Variants in GRIA1 observed in about 807,000 individuals in gnomAD.
The protein encoded by GRIA1 is glutamate receptor 1.
GRIA1 carries 31 observed loss-of-function variants against 99.2 expected under a neutral mutation model. That is an observed-to-expected ratio of 0.31 (90% CI 0.23 to 0.42). The LOEUF (loss-of-function observed/expected upper bound fraction) is 0.42, where lower values mean the gene tolerates loss of function less well. GRIA1 is among the 10% of genes least tolerant of loss of function. The probability of loss-of-function intolerance (pLI) is 1.00; values close to 1 mark genes in which losing one functional copy is unlikely to be tolerated. For missense variants in GRIA1, 782 were observed against 1,157.5 expected (o/e 0.68, Z 4.71); for synonymous variants, 438 against 432.4 (o/e 1.01, Z -0.16).
At chr5:153,697,722 C>T (rs1243312227) in intron 8 of GRIA1, among the ~76,000 whole-genome samples, 2 of 152,150 alleles carry the variant, frequency 1.3e-5, no homozygotes, top group Middle Eastern at 3.2e-3. Context: ...TGAACAACTG[C>T]AGGGAATTAA....
At chr5:153,647,355 A>G (rs1379442201) in intron 3 of GRIA1, among the ~76,000 whole-genome samples, 188 bp downstream of exon 3, 1 of 152,172 alleles carries the variant, frequency 6.6e-6, no homozygotes, top group African/African-American at 2.4e-5. Context: ...CATTCTGAGA[A>G]TAATTCTCTT....
chr5:153,795,761 G>T (rs1167877633), intron 14 of GRIA1, among the ~76,000 whole-genome samples: 2 of 152,162 alleles, frequency 1.3e-5, no homozygotes, highest in Admixed American at 1.3e-4. Context: ...CAGCACGCCA[G>T]TGTTTCCCAA....
At chr5:153,745,856 A>G (rs982407613) in intron 11 of GRIA1, among the ~76,000 whole-genome samples, 2 of 151,866 alleles carry the variant, frequency 1.3e-5, no homozygotes, top group Non-Finnish European at 2.9e-5. Context: ...GATTTTTTTC[A>G]CTTCACCTCT....
chr5:153,677,812 G>A (rs1419213273), intron 7 of GRIA1, among the ~76,000 whole-genome samples: 1 of 152,162 alleles, frequency 6.6e-6, no homozygotes, highest in East Asian at 1.9e-4. Flanking sequence ...GGTACATGTG[G>A]GTGTATATTT....
intron 10 of GRIA1, among the ~76,000 whole-genome samples, chr5:153,704,299 A>C (rs771421307): frequency 3.9e-5 from 6 of 152,268 alleles, no homozygotes; most frequent in Admixed American, 6.5e-5. Context: ...TGCCTTGAAC[A>C]GACCTGCATA....
chr5:153,810,995 CG>C, intron 15 of GRIA1, 29 bp from the exon 16 acceptor site: 2 of 1,559,106 alleles, frequency 1.3e-6, no homozygotes, highest in Non-Finnish European at 1.8e-6. Flanking sequence ...GCCAAGGACC[CG>C]GGGAAGAACC....
intron 11 of GRIA1, among the ~76,000 whole-genome samples, chr5:153,719,789 T>G (rs1345429518): frequency 6.6e-6 from 1 of 152,104 alleles, no homozygotes; most frequent in Non-Finnish European, 1.5e-5. Flanking sequence ...ATTGTGACCA[T>G]CTTTGGAAAA....
intron 13 of GRIA1, among the ~76,000 whole-genome samples, chr5:153,776,281 C>A (rs891045065): frequency 1.3e-5 from 2 of 152,172 alleles, no homozygotes; most frequent in African/African-American, 2.4e-5. Flanking sequence ...ATATCCTTCA[C>A]TTTAAAGCTG....
At chr5:153,799,742 T>C (rs1765881060) in intron 14 of GRIA1, among the ~76,000 whole-genome samples, 1 of 152,176 alleles carries the variant, frequency 6.6e-6, no homozygotes, top group African/African-American at 2.4e-5. Flanking sequence ...GTCCTCTTTG[T>C]AAAGGATGTA....
chr5:153,551,347 G>GT (rs748423625), intron 2 of GRIA1, among the ~76,000 whole-genome samples: 91 of 113,714 alleles, frequency 8.0e-4, no homozygotes, highest in African/African-American at 1.9e-3. Flanking sequence ...TCTTTTTACA[G>GT]TTTTTTTTGT....
chr5:153,687,153 T>C (rs1460639953), intron 8 of GRIA1, among the ~76,000 whole-genome samples: 1 of 152,184 alleles, frequency 6.6e-6, no homozygotes, highest in Non-Finnish European at 1.5e-5. Context: ...TGGAAGCCTC[T>C]ACTTCTCTGC....
intron 2 of GRIA1, among the ~76,000 whole-genome samples, chr5:153,534,846 G>A (rs770934137): frequency 2.6e-5 from 4 of 152,160 alleles, no homozygotes; most frequent in Non-Finnish European, 5.9e-5. Context: ...TCAGAGAAAA[G>A]GGCATATTTG....
chr5:153,621,257 G>C (rs972882690), intron 2 of GRIA1, among the ~76,000 whole-genome samples: 1 of 152,016 alleles, frequency 6.6e-6, no homozygotes, highest in African/African-American at 2.4e-5. Flanking sequence ...GTGATTAGTA[G>C]GTCTCCTTAT....
chr5:153,752,613 T>G (rs780919154), intron 11 of GRIA1, among the ~76,000 whole-genome samples: 4 of 152,206 alleles, frequency 2.6e-5, no homozygotes, highest in Admixed American at 6.5e-5. Flanking sequence ...TCTATCAGAC[T>G]GTGAGCCCAT....
At chr5:153,492,059 G>A (rs567689137) in intron 1 of GRIA1, 9 of 1,177,524 alleles carry the variant, frequency 7.6e-6, no homozygotes, top group South Asian at 4.0e-5. Context: ...AAGCATCTTC[G>A]TTGGTTTGGT....
chr5:153,705,648 C>G, intron 10 of GRIA1, 49 bp from the exon 11 acceptor site: 1 of 1,399,902 alleles, frequency 7.1e-7, no homozygotes, highest in Non-Finnish European at 9.3e-7. Context: ...AAAAGGGCTG[C>G]TGAGCTCACC....
intron 8 of GRIA1, among the ~76,000 whole-genome samples, chr5:153,692,505 C>T (rs1757834328): frequency 1.3e-5 from 2 of 152,188 alleles, no homozygotes; most frequent in South Asian, 4.1e-4. Context: ...TTTTCTGGAA[C>T]ATAGCTATGC....
intron 2 of GRIA1, among the ~76,000 whole-genome samples, chr5:153,526,348 C>G (rs1433022147): frequency 5.9e-5 from 9 of 152,070 alleles, no homozygotes; most frequent in African/African-American, 1.9e-4. Context: ...CAAAATGAGG[C>G]CAATATAGTA....
chr5:153,529,449 C>G (rs1360738901), intron 2 of GRIA1, among the ~76,000 whole-genome samples: 1 of 152,158 alleles, frequency 6.6e-6, no homozygotes. Flanking sequence ...GGACCTCAAC[C>G]CAGTCTCAAA....
Sources: allele counts gnomAD v4.1 joint callset (sites outside exome capture counted in the v4.1 genomes callset), GRCh38; gene constraint gnomAD v4.1.1; transcripts MANE v1.5; gene names NCBI Gene and HGNC (gene_info 2026-07-23, HGNC 2026-07-21).